P2RX7: variants seen among roughly 807,000 people sequenced by gnomAD.
P2RX7 encodes purinergic receptor P2X 7.
In P2RX7, 62 loss-of-function variants were observed where a neutral mutation model predicts 71.6. The ratio of observed to expected loss-of-function variants is 0.87; its 90% CI spans 0.71 to 1.07. The LOEUF (loss-of-function observed/expected upper bound fraction) is 1.07. Among genes scored for constraint, P2RX7 ranks in the 50% least tolerant of loss-of-function variants. The probability of loss-of-function intolerance (pLI) is 0.00; values close to 1 mark genes in which losing one functional copy is unlikely to be tolerated. For missense variants in P2RX7, 686 were observed against 748.5 expected, an observed-to-expected ratio of 0.92 and a Z score of 0.97; for synonymous variants, 299 against 283.3, an observed-to-expected ratio of 1.06 and a Z score of -0.56.
At chr12:121,174,294 C>T (rs982948644) in intron 8 of P2RX7, among the ~76,000 whole-genome samples, 3 of 151,784 alleles carry the variant, frequency 2.0e-5, no homozygotes, top group South Asian at 2.1e-4. Context: ...GTGATCCACC[C>T]GCCTCGGCCT....
chr12:121,165,556 G>T, intron 6 of P2RX7, 119 bp downstream of exon 6: 1 of 789,578 alleles, frequency 1.3e-6, no homozygotes, highest in South Asian at 1.6e-5. Context: ...TGTGGGTCAG[G>T]AATCTGGGAA....
At chr12:121,161,302 C>A (rs562546486) in intron 4 of P2RX7, among the ~76,000 whole-genome samples, 35 of 152,300 alleles carry the variant, frequency 2.3e-4, no homozygotes, top group African/African-American at 7.7e-4. Context: ...GGTTGAGGAC[C>A]ATGAACTTTT....
intron 5 of P2RX7, among the ~76,000 whole-genome samples, chr12:121,163,961 C>T (rs141259616): frequency 6.6e-6 from 1 of 152,176 alleles, no homozygotes; most frequent in Non-Finnish European, 1.5e-5. Context: ...GCAGCATCAC[C>T]CCTTATGATT....
rs10696338 is a variant in P2RX7, at chr12:121,139,733, C to CTTTTTTTTTT, written c.125+6648_125+6657dup. On this transcript the variant is annotated intron_variant, in intron 1 of 12. Coordinates refer to ENST00000328963, the MANE Select transcript of P2RX7 (RefSeq NM_002562.6). ...GCATGGCCCCTCTGACCCTGACCAT[C>CTTTTTTTTTT]TTTTTTTTTTTTTTTTTTTGAGACA... Among the ~76,000 whole-genome samples, 248 of 126,704 alleles carry CTTTTTTTTTT rather than the reference C, an allele frequency of 2.0e-3. 5 individuals are homozygous for CTTTTTTTTTT. The highest frequency in any genetic ancestry group is 7.0e-3 in the African/African-American group (224 of 32,064). 83.1% of individuals were successfully genotyped at this position (126,704 alleles called of 152,430 possible).
intron 4 of P2RX7, 180 bp from the exon 5 acceptor site, chr12:121,162,244 G>A (rs373894737): frequency 1.4e-6 from 2 of 1,404,066 alleles, no homozygotes; most frequent in Middle Eastern, 2.5e-4. Flanking sequence ...TTGCTTGTTT[G>A]CCTTGCCTTG....
In P2RX7 at chr12:121,175,467, G is replaced by C. The variant is rs1310727937; in HGVS notation, c.961G>C (p.Val321Leu). 1 of 1,436,034 alleles carries C rather than the reference G, an allele frequency of 7.0e-7. No homozygotes were observed. The highest frequency in any genetic ancestry group is 1.4e-5 in the African/African-American group (1 of 71,380). 89.0% of individuals were successfully genotyped at this position (1,436,034 alleles called of 1,614,324 possible). A position where few individuals can be genotyped will look rare whatever the true frequency, so the allele number is the denominator to read the frequency against. ...KVFGIRFDIL[V>L]FGTGGKFDII... ...CTTCGGGATCCGTTTTGACATCCTG[G>C]TTTTTGGCACCGTAAGTCTCGTTTC... Residue 321 changes from valine (V) to leucine (L), a missense_variant, in exon 9 of 13, where the codon GTT becomes CTT. Coordinates refer to ENST00000328963, the MANE Select transcript of P2RX7 (RefSeq NM_002562.6).
rs1878076139 is a variant in P2RX7 at position 121,154,137 on chromosome 12, A to G, written c.126-648A>G. On this transcript the variant is annotated intron_variant, in intron 1 of 12. Coordinates refer to ENST00000328963, the MANE Select transcript of P2RX7 (RefSeq NM_002562.6). This position sits in a 1 kb window ranked among gnomAD's most constrained non-coding sequence, Gnocchi z 4.2. ...GGCCCTTTCTCTGGAATAAAAAAAA[A>G]AGAGAGGCTGGGCGCAGTGGCTCAC... is the stretch of plus-strand genomic sequence containing the variant. Among the ~76,000 whole-genome samples the G allele has an allele frequency of 6.6e-6, 1 of 151,556 alleles. No homozygotes were observed. Among genetic ancestry groups the G allele is most frequent in the Non-Finnish European group, 1.5e-5 (1 of 67,868 alleles).
At chr12:121,172,001 A>C (rs1187496718) in intron 8 of P2RX7, among the ~76,000 whole-genome samples, 1 of 151,702 alleles carries the variant, frequency 6.6e-6, no homozygotes, top group South Asian at 2.1e-4. Context: ...AGCTGGGACT[A>C]CAGGTGCCCG....
At chr12:121,184,013 C>T (rs1261052355) in intron 12 of P2RX7, among the ~76,000 whole-genome samples, 1 of 150,390 alleles carries the variant, frequency 6.6e-6, no homozygotes, top group African/African-American at 2.5e-5. Context: ...TGCAGTGAGC[C>T]AAGATCACAC....
intron 1 of P2RX7, among the ~76,000 whole-genome samples, chr12:121,153,755 G>A (rs1044041410): frequency 3.9e-5 from 6 of 152,234 alleles, no homozygotes; most frequent in Admixed American, 2.6e-4. Context: ...ATCTCCTACT[G>A]TTGTGACGAT....
At chr12:121,153,110 C>A (rs1047456438) in intron 1 of P2RX7, among the ~76,000 whole-genome samples, 27 of 152,176 alleles carry the variant, frequency 1.8e-4, no homozygotes, top group African/African-American at 6.5e-4. Flanking sequence ...CACTTGGGAA[C>A]TTTAAAAAAA....
At chr12:121,162,318 A>G (rs1879887773) in intron 4 of P2RX7, 106 bp from the exon 5 acceptor site, 2 of 1,497,350 alleles carry the variant, frequency 1.3e-6, no homozygotes, top group African/African-American at 2.7e-5. Context: ...AAGCCTGGTC[A>G]AAGCCTAGTC....
At chr12:121,157,621 A>G (rs1238959484) in intron 3 of P2RX7, among the ~76,000 whole-genome samples, 1 of 152,168 alleles carries the variant, frequency 6.6e-6, no homozygotes, top group Non-Finnish European at 1.5e-5. Flanking sequence ...CTCTACCTCC[A>G]TGTACACATA....
At chr12:121,164,271 A>C (rs979652450) in intron 5 of P2RX7, among the ~76,000 whole-genome samples, 2 of 152,228 alleles carry the variant, frequency 1.3e-5, no homozygotes, top group African/African-American at 2.4e-5. Flanking sequence ...GGTTCGTTTA[A>C]TCATTCATTC....
At chr12:121,133,377 C>T (rs1316734726) in intron 1 of P2RX7, among the ~76,000 whole-genome samples, 1 of 152,196 alleles carries the variant, frequency 6.6e-6, no homozygotes, top group Non-Finnish European at 1.5e-5. Flanking sequence ...GGTAGGAAAG[C>T]GCAGGGCAAC....
intron 8 of P2RX7, among the ~76,000 whole-genome samples, chr12:121,171,359 C>G (rs76632096): frequency 9.5e-5 from 10 of 105,026 alleles, no homozygotes; most frequent in Non-Finnish European, 1.3e-4. Flanking sequence ...TCTTCAATCT[C>G]TTTTTTTTTT....
rs138503902 is a variant in P2RX7 at position 121,167,502 on chromosome 12, C to T, written c.759C>T (p.Gly253=). ...TGATCCTTCAGGGCGGAATAATGGGCATTGAGATCTACTGGGACTGCAACC... is the reference window on the plus strand; with the variant it reads ...TGATCCTTCAGGGCGGAATAATGGGTATTGAGATCTACTGGGACTGCAACC... ...SDVAIQGGIM[G]IEIYWDCNLD... Residue 253 remains glycine (G), a synonymous_variant, in exon 8 of 13, where the codon GGC becomes GGT. Transcript: ENST00000328963. 29 of 1,613,868 alleles carry T rather than the reference C, an allele frequency of 1.8e-5. No homozygotes were observed. The highest frequency in any genetic ancestry group is 2.5e-5 in the Non-Finnish European group (29 of 1,179,948).
chr12:121,140,620 G>A (rs565356293), intron 1 of P2RX7, among the ~76,000 whole-genome samples: 7 of 152,234 alleles, frequency 4.6e-5, no homozygotes, highest in South Asian at 2.1e-4. Context: ...CCTGAGGAAC[G>A]ATGATGCCTT....
chr12:121,165,878 T>C (rs750778312), intron 6 of P2RX7, among the ~76,000 whole-genome samples, 180 bp from the exon 7 acceptor site: 2 of 152,154 alleles, frequency 1.3e-5, no homozygotes, highest in African/African-American at 2.4e-5. Context: ...CCATATGCCA[T>C]TGGTCACACA....
Sources: gnomAD v4.1 joint callset for allele counts (sites outside exome capture counted in the v4.1 genomes callset) on GRCh38, gnomAD v4.1.1 for gene constraint, Gnocchi (gnomAD v3.1) non-coding constraint, MANE v1.5 for transcripts, NCBI Gene and HGNC (gene_info 2026-07-23, HGNC 2026-07-21) for gene names.